The following STK33 variants were observed in gnomAD, a reference collection of about 807,000 sequenced individuals.
STK33 encodes the protein serine/threonine-protein kinase 33.
STK33 carries 52 observed loss-of-function variants against 58.0 expected under a neutral mutation model. That is an observed-to-expected ratio of 0.90 (90% CI 0.72 to 1.13). STK33 has a LOEUF of 1.13. Among genes scored for constraint, STK33 ranks in the 50% most tolerant of loss-of-function variants. The pLI, the probability that STK33 is intolerant of heterozygous loss-of-function variation, is 0.00. For missense variants in STK33, 630 were observed against 604.2 expected (o/e 1.04, Z -0.45); for synonymous variants, 215 against 200.1 (o/e 1.07, Z -0.63).
chr11:8,387,811 C>T (rs1848565299), downstream of STK33, among the ~76,000 whole-genome samples: 1 of 151,174 alleles, frequency 6.6e-6, no homozygotes, highest in African/African-American at 2.4e-5. Flanking sequence ...CCGCCCCACC[C>T]TTCAGTCACA....
intron 9 of STK33, among the ~76,000 whole-genome samples, chr11:8,455,051 C>A (rs1946685886): frequency 6.6e-6 from 1 of 152,156 alleles, no homozygotes; most frequent in African/African-American, 2.4e-5. Context: ...CTACCCATTT[C>A]CCTGTGACCC....
rs1203618987 is a variant in STK33, at chr11:8,526,180, T to C, written c.-465-45566A>G. Among the ~76,000 whole-genome samples, 6 of 152,230 alleles carry C rather than the reference T, an allele frequency of 3.9e-5. No individual in the cohort carries two copies. In the East Asian group the frequency reaches 1.2e-3, roughly 29 times the overall value. On this transcript the variant is annotated intron_variant, in intron 1 of 15. Transcript: ENST00000687296. ...TTGGGAGGCCGAGGGAGGAAGTTCA[T>C]GAAGTCAAGAGATTGAGACCATTCT...
chr11:8,461,324 TG>T (rs760213574), intron 8 of STK33, among the ~76,000 whole-genome samples: 37 of 152,192 alleles, frequency 2.4e-4, no homozygotes, highest in Non-Finnish European at 4.7e-4. Context: ...AAGAGAAGAA[TG>T]ATAGCATCTA....
chr11:8,536,970 A>G (rs1565305424), intron 1 of STK33, among the ~76,000 whole-genome samples: 9 of 93,830 alleles, frequency 9.6e-5, no homozygotes, highest in East Asian at 7.1e-4. Flanking sequence ...AAAAAAAAAA[A>G]GATTTTTTTT....
the STK33 span, among the ~76,000 whole-genome samples, chr11:8,357,287 C>T: frequency 2.0e-5 from 3 of 152,360 alleles, no homozygotes; most frequent in African/African-American, 7.2e-5. Context: ...GTCCGGCCCC[C>T]GCAATGAGTG....
intron 15 of STK33, among the ~76,000 whole-genome samples, chr11:8,393,504 A>G (rs528428552): frequency 6.6e-6 from 1 of 152,296 alleles, no homozygotes; most frequent in East Asian, 1.9e-4. Context: ...TAATTAAGTG[A>G]AGCTGGAGCA....
intron 1 of STK33, among the ~76,000 whole-genome samples, chr11:8,542,107 T>C (rs1316533967): frequency 6.6e-6 from 1 of 152,222 alleles, no homozygotes; most frequent in Non-Finnish European, 1.5e-5. Context: ...AATTTGCTCA[T>C]AGGTACAAAG....
chr11:8,587,844 G>A (rs1453257212), intron 1 of STK33, among the ~76,000 whole-genome samples: 1 of 152,238 alleles, frequency 6.6e-6, no homozygotes, highest in Non-Finnish European at 1.5e-5. Context: ...GGCCTTAAGT[G>A]AGATTAGACA....
At chr11:8,539,322 G>A (rs1046924229) in intron 1 of STK33, among the ~76,000 whole-genome samples, 3 of 152,160 alleles carry the variant, frequency 2.0e-5, no homozygotes, top group Non-Finnish European at 2.9e-5. Flanking sequence ...TCTCTGACAC[G>A]GTGCTGCATC....
chr11:8,367,261 C>T, the STK33 span, among the ~76,000 whole-genome samples: 2 of 152,222 alleles, frequency 1.3e-5, no homozygotes, highest in Admixed American at 6.5e-5. Context: ...CCTACGTCTG[C>T]AAATGCTGAG....
intron 1 of STK33, among the ~76,000 whole-genome samples, chr11:8,555,872 G>A (rs1458122904): frequency 6.6e-6 from 1 of 151,696 alleles, no homozygotes; most frequent in African/African-American, 2.4e-5. Context: ...AAACAAGAAG[G>A]GAAAAGTACC....
intron 1 of STK33, among the ~76,000 whole-genome samples, chr11:8,574,426 C>G (rs1202178396): frequency 6.6e-6 from 1 of 151,834 alleles, no homozygotes; most frequent in Non-Finnish European, 1.5e-5. Context: ...ATCAGAATAG[C>G]CATAAATACT....
intron 7 of STK33, among the ~76,000 whole-genome samples, chr11:8,462,898 T>C (rs539555831): frequency 6.6e-6 from 1 of 152,276 alleles, no homozygotes; most frequent in African/African-American, 2.4e-5. Flanking sequence ...CTCATTTATT[T>C]CTAATAAAAA....
chr11:8,586,717 G>C (rs1356828799), intron 1 of STK33, among the ~76,000 whole-genome samples: 1 of 150,932 alleles, frequency 6.6e-6, no homozygotes, highest in African/African-American at 2.4e-5. Flanking sequence ...CCAGTAACTC[G>C]GGAGGCTGAG....
downstream of STK33, among the ~76,000 whole-genome samples, chr11:8,388,762 G>T (rs1848578478): frequency 6.6e-6 from 1 of 152,156 alleles, no homozygotes; most frequent in Non-Finnish European, 1.5e-5. Context: ...ACAGTGAAGT[G>T]TTGCATTCTT....
chr11:8,481,500 C>T (rs143543022), intron 1 of STK33, among the ~76,000 whole-genome samples: 149 of 152,256 alleles, frequency 9.8e-4, no homozygotes, highest in African/African-American at 3.5e-3. Context: ...CTTACAAATA[C>T]AATAAACAAG....
At chr11:8,471,789 A>G (rs1361207389) in intron 6 of STK33, among the ~76,000 whole-genome samples, 1 of 152,166 alleles carries the variant, frequency 6.6e-6, no homozygotes, top group Non-Finnish European at 1.5e-5. Context: ...ATGCATAGAA[A>G]AAGTGAAGTT....
chr11:8,390,765 T>C (rs1000353445), downstream of STK33, among the ~76,000 whole-genome samples: 1 of 152,180 alleles, frequency 6.6e-6, no homozygotes, highest in Non-Finnish European at 1.5e-5. Flanking sequence ...AATGACTTCA[T>C]CTTTTAGTTA....
At chr11:8,461,503 G>A (rs1216138434) in intron 8 of STK33, among the ~76,000 whole-genome samples, 1 of 152,054 alleles carries the variant, frequency 6.6e-6, no homozygotes, top group Non-Finnish European at 1.5e-5. Context: ...AAAGCAAAAG[G>A]AAAGGCACCT....
Sources: allele counts gnomAD v4.1 joint callset (sites outside exome capture counted in the v4.1 genomes callset), GRCh38; gene constraint gnomAD v4.1.1; transcripts MANE v1.5; gene names NCBI Gene and HGNC (gene_info 2026-07-23, HGNC 2026-07-21).